The following CPQ variants were observed in gnomAD, a reference collection of about 807,000 sequenced individuals.
CPQ encodes carboxypeptidase Q.
Under a neutral mutation model 45.7 loss-of-function variants are expected in CPQ, and 37 were observed. The observed-to-expected ratio is 0.81, with a 90% CI of 0.62 to 1.07. CPQ has a LOEUF of 1.07. Ranked by LOEUF, CPQ falls within the 50% of genes least tolerant of loss-of-function variation. The probability of loss-of-function intolerance (pLI) is 0.00; values close to 1 mark genes in which losing one functional copy is unlikely to be tolerated. For synonymous variants in CPQ, 186 were observed against 205.8 expected, an observed-to-expected ratio of 0.90 and a Z score of 0.82; for missense variants, 537 against 572.9, an observed-to-expected ratio of 0.94 and a Z score of 0.64.
chr8:97,069,844 A>G (rs1438631842), intron 7 of CPQ, among the ~76,000 whole-genome samples: 1 of 152,156 alleles, frequency 6.6e-6, no homozygotes, highest in Non-Finnish European at 1.5e-5. Context: ...AGACCCCAAT[A>G]TTCCATGTAT....
chr8:96,988,475 GT>G (rs1429118652), intron 5 of CPQ, among the ~76,000 whole-genome samples: 1 of 152,054 alleles, frequency 6.6e-6, no homozygotes, highest in South Asian at 2.1e-4. Context: ...TTCAGTAAAT[GT>G]TTTTTTATTT....
intron 4 of CPQ, among the ~76,000 whole-genome samples, chr8:96,894,785 A>G (rs1249673566): frequency 6.6e-6 from 1 of 152,182 alleles, no homozygotes; most frequent in East Asian, 1.9e-4. Flanking sequence ...CTTCACTAGA[A>G]CTGTCTGGTT....
At chr8:96,963,016 A>G (rs1240104069) in intron 4 of CPQ, among the ~76,000 whole-genome samples, 2 of 152,174 alleles carry the variant, frequency 1.3e-5, no homozygotes, top group African/African-American at 2.4e-5. Flanking sequence ...TTAGTTTCCT[A>G]TCATTCAAAA....
chr8:96,863,041 A>G (rs1010844438), intron 3 of CPQ, among the ~76,000 whole-genome samples: 1 of 152,106 alleles, frequency 6.6e-6, no homozygotes, highest in African/African-American at 2.4e-5. Flanking sequence ...CTTCTACATG[A>G]GAAAAGAATG....
intron 4 of CPQ, among the ~76,000 whole-genome samples, chr8:96,884,449 C>G (rs1387169058): frequency 1.3e-5 from 2 of 152,024 alleles, no homozygotes; most frequent in Non-Finnish European, 2.9e-5. Flanking sequence ...GTCCCTCTCT[C>G]CTGTTTCTTA....
intron 2 of CPQ, among the ~76,000 whole-genome samples, chr8:96,793,765 T>G (rs1182178559): frequency 6.6e-6 from 1 of 151,976 alleles, no homozygotes; most frequent in Non-Finnish European, 1.5e-5. Flanking sequence ...CTAGATACAA[T>G]GGGGGTACAG....
At chr8:96,971,236 A>G (rs1364254988) in intron 5 of CPQ, among the ~76,000 whole-genome samples, 2 of 152,202 alleles carry the variant, frequency 1.3e-5, no homozygotes, top group Admixed American at 1.3e-4. Context: ...TTGCCAGAAT[A>G]TTGACAAGCT....
chr8:97,024,354 T>G, intron 5 of CPQ, among the ~76,000 whole-genome samples: 1 of 152,098 alleles, frequency 6.6e-6, no homozygotes, highest in Middle Eastern at 3.2e-3. Context: ...GTGTGCAGAT[T>G]GTTTCTCGGG....
intron 3 of CPQ, among the ~76,000 whole-genome samples, chr8:96,844,314 G>C (rs1811656215): frequency 6.6e-6 from 1 of 152,146 alleles, no homozygotes; most frequent in African/African-American, 2.4e-5. Flanking sequence ...ATCAGTTCAA[G>C]ATGACTCTTA....
intron 2 of CPQ, among the ~76,000 whole-genome samples, chr8:96,807,346 G>GC (rs1234279835): frequency 6.6e-6 from 1 of 152,032 alleles, no homozygotes; most frequent in Non-Finnish European, 1.5e-5. Flanking sequence ...CCATTCTCCT[G>GC]CCTCAGCCTC....
chr8:96,775,089 G>C (rs1332148303), intron 1 of CPQ, among the ~76,000 whole-genome samples: 1 of 152,132 alleles, frequency 6.6e-6, no homozygotes, highest in Non-Finnish European at 1.5e-5. Flanking sequence ...TTTCTTGTCA[G>C]GTGCTTCTGT....
intron 7 of CPQ, among the ~76,000 whole-genome samples, chr8:97,139,872 TATAAGC>T (rs903302610): frequency 2.0e-5 from 3 of 151,746 alleles, no homozygotes; most frequent in Admixed American, 2.0e-4. Context: ...AGTAAAATAA[TATAAGC>T]ATAATATAAA....
At chr8:97,120,736 G>C (rs1168667715) in intron 7 of CPQ, among the ~76,000 whole-genome samples, 1 of 152,178 alleles carries the variant, frequency 6.6e-6, no homozygotes, top group Non-Finnish European at 1.5e-5. Flanking sequence ...GACAGGGAGA[G>C]ACAGGACAAA....
intron 1 of CPQ, among the ~76,000 whole-genome samples, chr8:96,777,357 G>C (rs1810618321): frequency 7.0e-6 from 1 of 143,362 alleles, no homozygotes; most frequent in Non-Finnish European, 1.6e-5. Context: ...AAATGCCCTA[G>C]AGTGCTGCAA....
chr8:97,045,369 G>A (rs1230663243), intron 6 of CPQ, among the ~76,000 whole-genome samples: 1 of 152,164 alleles, frequency 6.6e-6, no homozygotes, highest in African/African-American at 2.4e-5. Context: ...GGAGTGACCC[G>A]ATTTTCCAGG....
At chr8:97,087,796 T>C (rs1811065154) in intron 7 of CPQ, among the ~76,000 whole-genome samples, 1 of 152,198 alleles carries the variant, frequency 6.6e-6, no homozygotes, top group African/African-American at 2.4e-5. Flanking sequence ...AGGTTATTGC[T>C]AACATGGAAT....
At chr8:97,008,649 C>A (rs1006277779) in intron 5 of CPQ, among the ~76,000 whole-genome samples, 1 of 152,152 alleles carries the variant, frequency 6.6e-6, no homozygotes, top group Admixed American at 6.5e-5. Context: ...TCAGGAGAAC[C>A]TGGCTTTAAG....
At chr8:96,920,754 C>T (rs538634341) in intron 4 of CPQ, among the ~76,000 whole-genome samples, 1 of 152,236 alleles carries the variant, frequency 6.6e-6, no homozygotes, top group East Asian at 1.9e-4. Context: ...ACACTAGGGG[C>T]ATGCAGAGGG....
intron 5 of CPQ, among the ~76,000 whole-genome samples, chr8:96,998,718 T>G (rs945292885): frequency 1.3e-5 from 2 of 152,000 alleles, no homozygotes; most frequent in South Asian, 4.1e-4. Context: ...GAAGCTTTCC[T>G]TGATTACTAG....
Sources: allele counts gnomAD v4.1 joint callset (sites outside exome capture counted in the v4.1 genomes callset), GRCh38; gene constraint gnomAD v4.1.1; transcripts MANE v1.5; gene names NCBI Gene and HGNC (gene_info 2026-07-23, HGNC 2026-07-21).